RCSD1: variants seen among roughly 807,000 people sequenced by gnomAD.
RCSD1 encodes capZ-interacting protein.
RCSD1 carries 26 observed loss-of-function variants against 42.5 expected under a neutral mutation model. The ratio of observed to expected loss-of-function variants is 0.61; its 90% confidence interval spans 0.45 to 0.85. RCSD1 has a LOEUF of 0.85. Ranked by LOEUF, RCSD1 falls within the 40% of genes least tolerant of loss-of-function variation. The pLI, the probability that RCSD1 is intolerant of heterozygous loss-of-function variation, is 0.00. For synonymous variants in RCSD1, 220 were observed against 212.2 expected (o/e 1.04, Z -0.32); for missense variants, 571 against 528.3 (o/e 1.08, Z -0.79).
intron 1 of RCSD1, among the ~76,000 whole-genome samples, chr1:167,659,291 C>T (rs970277928): frequency 6.6e-6 from 1 of 152,040 alleles, no homozygotes; most frequent in Non-Finnish European, 1.5e-5. Flanking sequence ...ACAGACATTA[C>T]CTCATTTTCA....
At chr1:167,657,196 G>A (rs975297956) in intron 1 of RCSD1, among the ~76,000 whole-genome samples, 5 of 152,076 alleles carry the variant, frequency 3.3e-5, no homozygotes, top group Admixed American at 2.0e-4. Flanking sequence ...GGTTTTTTTC[G>A]AAACTGGTGA....
chr1:167,677,772 C>A (rs549062049), intron 1 of RCSD1, among the ~76,000 whole-genome samples: 2 of 152,102 alleles, frequency 1.3e-5, no homozygotes, highest in Admixed American at 6.5e-5. Flanking sequence ...TCCTTTGTCC[C>A]GCACCTGTGA....
chr1:167,680,115 A>C (rs1659043264), intron 1 of RCSD1, among the ~76,000 whole-genome samples: 4 of 152,136 alleles, frequency 2.6e-5, no homozygotes, highest in African/African-American at 4.8e-5. Context: ...CTTCGTAAGC[A>C]AGACCTGGGC....
chr1:167,652,902 C>T (rs577944645), intron 1 of RCSD1, among the ~76,000 whole-genome samples: 2 of 152,272 alleles, frequency 1.3e-5, no homozygotes, highest in South Asian at 2.1e-4. Flanking sequence ...TTATGTCATG[C>T]CACTGCTACA....
intron 1 of RCSD1, among the ~76,000 whole-genome samples, chr1:167,672,132 G>A (rs115823453): frequency 0.012 from 1,800 of 152,240 alleles, 31 homozygotes; most frequent in African/African-American, 0.041. Flanking sequence ...TTGCAGAGGT[G>A]GAGGCTGACA....
chr1:167,686,859 T>C (rs1039390017), intron 3 of RCSD1, among the ~76,000 whole-genome samples: 29 of 152,324 alleles, frequency 1.9e-4, no homozygotes, highest in Admixed American at 8.5e-4. Context: ...GACTGCCCCC[T>C]GATAGCCTGG....
intron 3 of RCSD1, 117 bp from the exon 4 acceptor site, chr1:167,689,932 T>G: frequency 2.2e-6 from 2 of 928,394 alleles, no homozygotes; most frequent in Non-Finnish European, 3.4e-6. Flanking sequence ...ACTGAACTAA[T>G]GAGAAAGTGG....
At chr1:167,677,220 C>T (rs987446419) in intron 1 of RCSD1, among the ~76,000 whole-genome samples, 2 of 152,180 alleles carry the variant, frequency 1.3e-5, no homozygotes, top group African/African-American at 4.8e-5. Context: ...TCCTTGAGGG[C>T]CGTCACGGTT....
intron 1 of RCSD1, among the ~76,000 whole-genome samples, chr1:167,683,131 G>T (rs542748088): frequency 3.9e-5 from 6 of 152,264 alleles, no homozygotes; most frequent in African/African-American, 1.4e-4. Context: ...GGACAGCCAC[G>T]GTAAACTGAT....
intron 1 of RCSD1, chr1:167,641,349 A>T: frequency 6.6e-6 from 1 of 152,156 alleles, no homozygotes; most frequent in East Asian, 1.9e-4. Context: ...CCTATTCTTA[A>T]ATATCTTATT....
At chr1:167,653,585 C>T (rs770429329) in intron 1 of RCSD1, among the ~76,000 whole-genome samples, 5 of 152,214 alleles carry the variant, frequency 3.3e-5, no homozygotes, top group African/African-American at 7.2e-5. Context: ...ACACCTATTA[C>T]GTGTTGGCCA....
intron 1 of RCSD1, among the ~76,000 whole-genome samples, chr1:167,642,862 C>T (rs547547599): frequency 4.6e-5 from 7 of 152,312 alleles, no homozygotes; most frequent in African/African-American, 1.4e-4. Flanking sequence ...TGGTGAAAGT[C>T]GGCCTGTGAG....
Position 167,704,604 on chromosome 1 carries a change from G to A in RCSD1, c.1219-60G>A, listed in dbSNP as rs528145982. ...AGATCCATCATCCCCAAGGAGGGATGCTGAGTGTCAGGATTTCCTCACCAT... is the reference window on the plus strand; with the variant it reads ...AGATCCATCATCCCCAAGGAGGGATACTGAGTGTCAGGATTTCCTCACCAT... On this transcript the variant is annotated intron_variant, in intron 6 of 6. Coordinates refer to ENST00000367854, the MANE Select transcript of RCSD1 (RefSeq NM_052862.4). 3.5e-6 allele frequency: 5 copies of A among 1,420,330 alleles called. No homozygotes were observed. The South Asian group carries it at 5.8e-5, about 16-fold the overall frequency. 88.0% of individuals were successfully genotyped at this position (1,420,330 alleles called of 1,614,324 possible). A position where few individuals can be genotyped will look rare whatever the true frequency, so the allele number is the denominator to read the frequency against.
At chr1:167,704,317 C>T (rs181329922) in intron 6 of RCSD1, among the ~76,000 whole-genome samples, 109 of 150,658 alleles carry the variant, frequency 7.2e-4, no homozygotes, top group Non-Finnish European at 1.4e-3. Flanking sequence ...CAAGGGTGGG[C>T]AGGGTCACTT....
intron 1 of RCSD1, among the ~76,000 whole-genome samples, chr1:167,646,704 G>A (rs1658157561): frequency 6.6e-6 from 1 of 152,106 alleles, no homozygotes. Context: ...TCATCCCCAG[G>A]ACTCTCCTTT....
chr1:167,691,130 C>A (rs1489175680), intron 4 of RCSD1, among the ~76,000 whole-genome samples: 1 of 152,204 alleles, frequency 6.6e-6, no homozygotes, highest in Non-Finnish European at 1.5e-5. Flanking sequence ...GTTGCAGGGG[C>A]TGTCTCGTGC....
intron 1 of RCSD1, among the ~76,000 whole-genome samples, chr1:167,674,822 G>A (rs1024173040): frequency 6.6e-6 from 1 of 152,306 alleles, no homozygotes; most frequent in South Asian, 2.1e-4. Flanking sequence ...TTTTATAGGT[G>A]AAAAATATTC....
chr1:167,667,028 C>T (rs1229473088), intron 1 of RCSD1, among the ~76,000 whole-genome samples: 3 of 152,138 alleles, frequency 2.0e-5, no homozygotes, highest in Non-Finnish European at 2.9e-5. Flanking sequence ...GTTTCTTTTC[C>T]CTTTTTGTAG....
chr1:167,683,499 A>G (rs1214663485), intron 1 of RCSD1, among the ~76,000 whole-genome samples: 1 of 152,168 alleles, frequency 6.6e-6, no homozygotes, highest in Non-Finnish European at 1.5e-5. Context: ...ACACATATAT[A>G]TGTGTTTCAA....
Sources: gnomAD v4.1 joint callset for allele counts (sites outside exome capture counted in the v4.1 genomes callset) on GRCh38, gnomAD v4.1.1 for gene constraint, MANE v1.5 for transcripts, NCBI Gene and HGNC (gene_info 2026-07-23, HGNC 2026-07-21) for gene names.